The following CREBBP variants were observed in gnomAD, a reference collection of about 807,000 sequenced individuals.
The protein encoded by CREBBP is CREB-binding protein.
CREBBP carries 19 observed loss-of-function variants against 265.0 expected under a neutral mutation model. The observed-to-expected ratio is 0.07, with a 90% CI of 0.05 to 0.11. The LOEUF is 0.11. Among genes scored for constraint, CREBBP ranks in the 10% least tolerant of loss-of-function variants. The pLI, the probability that CREBBP is intolerant of heterozygous loss-of-function variation, is 1.00. For missense variants in CREBBP, 2,525 were observed against 3,219.0 expected (o/e 0.78, Z 5.22); for synonymous variants, 1,457 against 1,223.7 (o/e 1.19, Z -3.98).
chr16:3,783,859 G>A (rs76632130), intron 5 of CREBBP, among the ~76,000 whole-genome samples: 215 of 152,326 alleles, frequency 1.4e-3, no homozygotes, highest in African/African-American at 5.1e-3. Context: ...CCAAGGTAAT[G>A]GAGAGACAAC....
At chr16:3,842,967 CAAAAAAAAAA>C (rs59990532) in intron 2 of CREBBP, among the ~76,000 whole-genome samples, 1 of 65,230 alleles carries the variant, frequency 1.5e-5, no homozygotes, top group African/African-American at 6.4e-5. Flanking sequence ...ACTCCCATCT[CAAAAAAAAAA>C]AAAAAAAAAA....
At chr16:3,835,774 G>A (rs2054435539) in intron 2 of CREBBP, among the ~76,000 whole-genome samples, 1 of 151,354 alleles carries the variant, frequency 6.6e-6, no homozygotes, top group South Asian at 2.1e-4. Flanking sequence ...AGAGATGGGG[G>A]TTTCACCACG....
intron 4 of CREBBP, among the ~76,000 whole-genome samples, chr16:3,792,470 A>AAAT (rs1172351015): frequency 3.9e-5 from 6 of 152,262 alleles, no homozygotes; most frequent in African/African-American, 1.4e-4. Context: ...GAAACCACCT[A>AAAT]AATACTACAG....
intron 22 of CREBBP, 144 bp from the exon 23 acceptor site, chr16:3,745,105 C>T: frequency 1.1e-6 from 1 of 909,292 alleles, no homozygotes; most frequent in South Asian, 1.4e-5. Flanking sequence ...TGCTTTGATT[C>T]CACAATTCCT....
intron 21 of CREBBP, among the ~76,000 whole-genome samples, chr16:3,748,431 G>A (rs767230712): frequency 2.6e-5 from 4 of 152,212 alleles, no homozygotes; most frequent in Non-Finnish European, 5.9e-5. Flanking sequence ...CTGGCATCTC[G>A]CCAAGACTAC....
chr16:3,799,487 T>C (rs185565410), intron 3 of CREBBP, among the ~76,000 whole-genome samples: 3 of 152,362 alleles, frequency 2.0e-5, no homozygotes, highest in Admixed American at 1.3e-4. Flanking sequence ...CAATTCGGTG[T>C]AATTTTGGAA....
At chr16:3,828,638 G>T (rs1301831487) in intron 2 of CREBBP, among the ~76,000 whole-genome samples, 5 of 152,114 alleles carry the variant, frequency 3.3e-5, no homozygotes, top group African/African-American at 1.2e-4. Context: ...CAGAAAATAA[G>T]GTCTTATGTA....
chr16:3,794,359 A>AT (rs2053566022), intron 3 of CREBBP, among the ~76,000 whole-genome samples: 5 of 148,588 alleles, frequency 3.4e-5, no homozygotes, highest in African/African-American at 1.3e-4. Context: ...AAAAAAAAAA[A>AT]AAAAAAGATT....
rs1567359972 is a variant in CREBBP at position 3,849,419 on chromosome 16, GTGTGTGTGTGTGTGTGTGTGTGTGTGTGT to G, written c.798+849_798+877del. Among the ~76,000 whole-genome samples the G allele has an allele frequency of 3.7e-3, 29 of 7,742 alleles. 1 individual carries two copies. The East Asian group carries it at 0.069, about 18-fold the overall frequency. The allele number at this position is 7,742 out of a possible 152,430, so 5.1% of individuals were successfully genotyped here. A position where few individuals can be genotyped will look rare whatever the true frequency, so the allele number is the denominator to read the frequency against. On this transcript the variant is annotated intron_variant, in intron 2 of 30. Transcript: ENST00000262367. The stretch of plus-strand genomic sequence containing the variant: ...TGTGTGTGTGTGTGTGTGTGTGTGT[GTGTGTGTGTGTGTGTGTGTGTGTGTGTGT>G]GTGTGTGTGTGTGTGTGTGTGTGTG...
chr16:3,774,522 A>C (rs1567302602), intron 12 of CREBBP, 47 bp downstream of exon 12: 1 of 1,612,748 alleles, frequency 6.2e-7, no homozygotes, highest in Non-Finnish European at 8.5e-7. Flanking sequence ...ATAATGTTCC[A>C]TGTGAGAGGG....
chr16:3,802,739 C>A (rs2053743056), intron 3 of CREBBP, among the ~76,000 whole-genome samples: 2 of 151,208 alleles, frequency 1.3e-5, no homozygotes, highest in African/African-American at 4.9e-5. Context: ...CCCCTCTGTG[C>A]AGCCAATGCC....
intron 26 of CREBBP, among the ~76,000 whole-genome samples, chr16:3,737,768 T>C (rs1433410565): frequency 6.6e-6 from 1 of 151,240 alleles, no homozygotes; most frequent in East Asian, 1.9e-4. Context: ...TTTTTTTGTA[T>C]TTTTCTTTTT....
chr16:3,828,500 G>C (rs2054282791), intron 2 of CREBBP, among the ~76,000 whole-genome samples: 2 of 152,160 alleles, frequency 1.3e-5, no homozygotes, highest in Admixed American at 6.5e-5. Flanking sequence ...GCATACAAGG[G>C]TATGTTTCTA....
intron 2 of CREBBP, among the ~76,000 whole-genome samples, chr16:3,842,374 C>T (rs1196827353): frequency 6.6e-6 from 1 of 152,198 alleles, no homozygotes; most frequent in Admixed American, 6.5e-5. Context: ...AAGAGAGTGT[C>T]TGTACGGCTT....
At chr16:3,757,176 A>C in intron 19 of CREBBP, 112 bp downstream of exon 19, 1 of 955,928 alleles carries the variant, frequency 1.0e-6, no homozygotes, top group Non-Finnish European at 1.7e-6. Context: ...ACCCGGCCTG[A>C]AATTGGGCCA....
At chr16:3,756,797 A>C (rs2052596321) in intron 19 of CREBBP, among the ~76,000 whole-genome samples, 1 of 152,202 alleles carries the variant, frequency 6.6e-6, no homozygotes, top group Non-Finnish European at 1.5e-5. Context: ...TACTCTATGA[A>C]CATCTTGAAA....
intron 11 of CREBBP, 143 bp from the exon 12 acceptor site, chr16:3,774,836 G>A: frequency 3.7e-6 from 4 of 1,085,214 alleles, no homozygotes; most frequent in Non-Finnish European, 5.5e-6. Flanking sequence ...ATTAATCAAT[G>A]AAGATGATGA....
chr16:3,852,237 C>T (rs1379668370), intron 1 of CREBBP, among the ~76,000 whole-genome samples: 2 of 125,128 alleles, frequency 1.6e-5, no homozygotes, highest in Non-Finnish European at 1.6e-5. Context: ...GGCGTGATCT[C>T]GGCTCACTGC....
At chr16:3,879,725 G>C (rs981004795) in intron 1 of CREBBP, 107 bp downstream of exon 1, 5 of 1,232,628 alleles carry the variant, frequency 4.1e-6, no homozygotes, top group Middle Eastern at 2.7e-4. Context: ...GGCCTGCTCC[G>C]AGCTCCCGGC....
Sources: allele counts gnomAD v4.1 joint callset (sites outside exome capture counted in the v4.1 genomes callset), GRCh38; gene constraint gnomAD v4.1.1; transcripts MANE v1.5; gene names NCBI Gene and HGNC (gene_info 2026-07-23, HGNC 2026-07-21).